CSMD3: variants seen among roughly 807,000 people sequenced by gnomAD.
CSMD3 encodes CUB and Sushi multiple domains 3.
Under a neutral mutation model 435.2 loss-of-function variants are expected in CSMD3, and 177 were observed. The observed-to-expected ratio is 0.41, with a 90% CI of 0.36 to 0.46. The LOEUF (loss-of-function observed/expected upper bound fraction) is 0.46. CSMD3 is among the 20% of genes least tolerant of loss of function. The probability of loss-of-function intolerance (pLI) is 0.34; values close to 1 mark genes in which losing one functional copy is unlikely to be tolerated. For synonymous variants in CSMD3, 1,656 were observed against 1,520.5 expected, an observed-to-expected ratio of 1.09 and a Z score of -2.07; for missense variants, 4,265 against 4,504.6, an observed-to-expected ratio of 0.95 and a Z score of 1.52.
intron 6 of CSMD3, among the ~76,000 whole-genome samples, chr8:112,994,770 T>C (rs1270394833): frequency 6.6e-6 from 1 of 151,548 alleles, no homozygotes; most frequent in East Asian, 1.9e-4. Flanking sequence ...AGTGTTCATA[T>C]GTGCCATGTT....
chr8:113,266,098 C>T (rs570175146), intron 3 of CSMD3, among the ~76,000 whole-genome samples: 1 of 149,046 alleles, frequency 6.7e-6, no homozygotes, highest in Non-Finnish European at 1.5e-5. Context: ...TGACTTGATT[C>T]TAAATTGTAA....
chr8:113,376,775 G>A, intron 1 of CSMD3: 1 of 1,613,952 alleles, frequency 6.2e-7, no homozygotes, highest in Non-Finnish European at 8.5e-7. Context: ...CAGGTTTCCA[G>A]CAAAGGAACC....
chr8:112,590,384 C>G (rs1563739425), intron 22 of CSMD3, among the ~76,000 whole-genome samples: 2 of 150,338 alleles, frequency 1.3e-5, no homozygotes, highest in South Asian at 4.2e-4. Flanking sequence ...AGGGAGAAGA[C>G]AAGTGGGGTA....
intron 2 of CSMD3, chr8:113,312,706 T>G (rs901360670): frequency 1.3e-5 from 2 of 152,178 alleles, no homozygotes; most frequent in African/African-American, 4.8e-5. Context: ...TCCCACAGAT[T>G]GCCAGTGTAA....
At chr8:113,269,698 AAG>A (rs931939460) in intron 3 of CSMD3, among the ~76,000 whole-genome samples, 7 of 145,460 alleles carry the variant, frequency 4.8e-5, no homozygotes, top group African/African-American at 1.1e-4. Flanking sequence ...TGACAAAAAA[AAG>A]AAGAAATGGG....
intron 32 of CSMD3, among the ~76,000 whole-genome samples, chr8:112,440,535 T>C (rs1183796593): frequency 6.6e-6 from 1 of 152,178 alleles, no homozygotes; most frequent in Non-Finnish European, 1.5e-5. Flanking sequence ...GGATACTCTG[T>C]GTCGGTGCTC....
intron 1 of CSMD3, among the ~76,000 whole-genome samples, chr8:113,416,225 A>G (rs540025656): frequency 7.2e-5 from 11 of 152,272 alleles, no homozygotes. Flanking sequence ...CTGGGATTTT[A>G]AAATAGGATA....
At chr8:112,994,571 T>C (rs1460855216) in intron 6 of CSMD3, among the ~76,000 whole-genome samples, 2 of 151,692 alleles carry the variant, frequency 1.3e-5, no homozygotes, top group Non-Finnish European at 3.0e-5. Flanking sequence ...CTATGGGATA[T>C]AATTATCACA....
rs1233275448 is a variant in CSMD3 at position 112,497,322 on chromosome 8, A to G, written c.5084-4639T>C. ...CATAACAGGGTGACTACAGTTAACA[A>G]TAATTTACTGTATCTTTAAAAGTAA... On this transcript the variant is annotated intron_variant, in intron 30 of 70. Coordinates refer to ENST00000297405, the MANE Select transcript of CSMD3 (RefSeq NM_198123.2). Among the ~76,000 whole-genome samples, 5 of 152,086 alleles carry G rather than the reference A, an allele frequency of 3.3e-5. No homozygotes were observed. In the South Asian group the frequency reaches 8.3e-4, roughly 25 times the overall value.
intron 4 of CSMD3, among the ~76,000 whole-genome samples, chr8:113,169,608 T>C (rs1056131497): frequency 6.6e-5 from 10 of 152,180 alleles, no homozygotes; most frequent in African/African-American, 1.9e-4. Context: ...ACTGCCTTCT[T>C]AAATCTTAAT....
chr8:113,302,751 G>A (rs1312910255), intron 2 of CSMD3, among the ~76,000 whole-genome samples: 1 of 145,846 alleles, frequency 6.9e-6, no homozygotes, highest in Non-Finnish European at 1.5e-5. Context: ...GGTATTGATG[G>A]GACGTATTTC....
intron 32 of CSMD3, among the ~76,000 whole-genome samples, chr8:112,472,237 G>A (rs566564389): frequency 2.6e-5 from 4 of 152,224 alleles, no homozygotes; most frequent in African/African-American, 9.6e-5. Context: ...TTCAATATTT[G>A]ACTTAATACA....
intron 2 of CSMD3, among the ~76,000 whole-genome samples, chr8:113,286,217 A>G (rs2093645552): frequency 2.6e-5 from 4 of 152,210 alleles, no homozygotes; most frequent in East Asian, 1.9e-4. Flanking sequence ...GTCTCTTCTC[A>G]TGTTCCCTTT....
chr8:112,904,254 T>C (rs144480030), intron 10 of CSMD3, among the ~76,000 whole-genome samples: 44 of 151,544 alleles, frequency 2.9e-4, no homozygotes, highest in African/African-American at 1.1e-3. Flanking sequence ...TATTGTATTC[T>C]TGGAAAATAC....
At chr8:113,314,938 T>A in intron 1 of CSMD3, 145 bp from the exon 2 acceptor site, 1 of 588,298 alleles carries the variant, frequency 1.7e-6, no homozygotes, top group Non-Finnish European at 3.0e-6. Context: ...CTGGGCACTA[T>A]ATACAAATAT....
At chr8:113,182,730 C>T (rs938992563) in intron 3 of CSMD3, among the ~76,000 whole-genome samples, 1 of 152,008 alleles carries the variant, frequency 6.6e-6, no homozygotes, top group African/African-American at 2.4e-5. Context: ...AGGGCATTGC[C>T]TTTGTCCTTT....
At chr8:112,715,203 A>G (rs1349185008) in intron 13 of CSMD3, among the ~76,000 whole-genome samples, 3 of 152,202 alleles carry the variant, frequency 2.0e-5, no homozygotes, top group Non-Finnish European at 1.5e-5. Flanking sequence ...AAAAGAGATA[A>G]GAATCAAATA....
intron 12 of CSMD3, among the ~76,000 whole-genome samples, chr8:112,805,810 T>C (rs2079072178): frequency 6.6e-6 from 1 of 152,206 alleles, no homozygotes; most frequent in African/African-American, 2.4e-5. Context: ...TTCAAGGATT[T>C]CCTGACTCTC....
At chr8:112,858,076 C>G (rs1328890733) in intron 11 of CSMD3, among the ~76,000 whole-genome samples, 1 of 151,346 alleles carries the variant, frequency 6.6e-6, no homozygotes, top group Non-Finnish European at 1.5e-5. Context: ...TCTAATAGTC[C>G]CTTGGTTGAG....
Sources: gnomAD v4.1 joint callset for allele counts (sites outside exome capture counted in the v4.1 genomes callset) on GRCh38, gnomAD v4.1.1 for gene constraint, MANE v1.5 for transcripts, NCBI Gene and HGNC (gene_info 2026-07-23, HGNC 2026-07-21) for gene names.